MOXD1: variants seen among roughly 807,000 people sequenced by gnomAD.
The protein encoded by MOXD1 is monooxygenase DBH like 1.
MOXD1 carries 62 observed loss-of-function variants against 66.6 expected under a neutral mutation model. The observed-to-expected ratio is 0.93, with a 90% confidence interval of 0.76 to 1.15. The LOEUF (loss-of-function observed/expected upper bound fraction) is 1.15. Among genes scored for constraint, MOXD1 ranks in the 50% most tolerant of loss-of-function variants. The probability of loss-of-function intolerance (pLI) is 0.00; values close to 1 mark genes in which losing one functional copy is unlikely to be tolerated. For synonymous variants in MOXD1, 303 were observed against 281.9 expected (o/e 1.07, Z -0.75); for missense variants, 847 against 754.6 (o/e 1.12, Z -1.44).
In MOXD1 at chr6:132,385,461, A is replaced by AATTATTATT. The variant is rs71030795; in HGVS notation, c.265-10693_265-10685dup. On this transcript the variant is annotated intron_variant, in intron 1 of 11. Coordinates refer to ENST00000367963, the MANE Select transcript of MOXD1 (RefSeq NM_015529.4). ...CTATAGAGAATTCAAAATATACTGA[A>AATTATTATT]ATTATTATTATTATTATTATTATTA... Among the ~76,000 whole-genome samples, 1,011 of 133,574 alleles carry AATTATTATT rather than the reference A, an allele frequency of 7.6e-3. 7 individuals are homozygous for AATTATTATT. The highest frequency in any genetic ancestry group is 0.014 in the South Asian group (58 of 4,070). 87.6% of individuals were successfully genotyped at this position (133,574 alleles called of 152,430 possible).
intron 10 of MOXD1, among the ~76,000 whole-genome samples, chr6:132,300,632 T>C (rs1774510635): frequency 6.6e-6 from 1 of 152,142 alleles, no homozygotes; most frequent in South Asian, 2.1e-4. Flanking sequence ...CTTAAAAAGC[T>C]TTGCTGCTAT....
intron 1 of MOXD1, among the ~76,000 whole-genome samples, chr6:132,375,310 C>T (rs1776355943): frequency 6.6e-6 from 1 of 152,068 alleles, no homozygotes; most frequent in Non-Finnish European, 1.5e-5. Flanking sequence ...AAATAAAATG[C>T]AATGGGAAAT....
intron 1 of MOXD1, among the ~76,000 whole-genome samples, chr6:132,387,590 C>T (rs1039857468): frequency 4.7e-5 from 7 of 150,020 alleles, no homozygotes; most frequent in African/African-American, 1.7e-4. Flanking sequence ...TCCATCTCTA[C>T]TAAAAATACA....
Position 132,372,991 on chromosome 6 carries a change from T to A in MOXD1, c.418A>T (p.Thr140Ser), listed in dbSNP as rs751463168. 1.2e-6 allele frequency: 2 copies of A among 1,612,040 alleles called. No homozygotes were observed. The highest frequency in any genetic ancestry group is 3.3e-5 in the Admixed American group (2 of 59,868). Reference protein sequence around the residue: ...DINDKSITDSTVRVIWAYHHE... With the variant: ...DINDKSITDSSVRVIWAYHHE... ...TGGTAGGCCCAGATCACTCTCACAG[T>A]GCTATCCTGGGGATCAGACATGGGC... Residue 140 changes from threonine (T) to serine (S), a missense_variant, in exon 3 of 12, where the codon ACT (threonine) becomes TCT (serine). Coordinates refer to ENST00000367963, the MANE Select transcript of MOXD1 (RefSeq NM_015529.4).
At chr6:132,316,139 T>C (rs1446376318) in intron 9 of MOXD1, among the ~76,000 whole-genome samples, 1 of 150,910 alleles carries the variant, frequency 6.6e-6, no homozygotes, top group Non-Finnish European at 1.5e-5. Flanking sequence ...TAGAATCTTG[T>C]CTTCATGTGT....
At chr6:132,354,290 G>A (rs773339971) in intron 4 of MOXD1, among the ~76,000 whole-genome samples, 3 of 152,198 alleles carry the variant, frequency 2.0e-5, no homozygotes, top group Non-Finnish European at 2.9e-5. Context: ...GGCTCTGTCA[G>A]AGGAAAAGTC....
In MOXD1 at chr6:132,328,592, A is replaced by C; in HGVS notation, c.666T>G (p.Val222=). 1 of 1,613,098 alleles carries C rather than the reference A, an allele frequency of 6.2e-7. No homozygotes were observed. The highest frequency in any genetic ancestry group is 8.5e-7 in the Non-Finnish European group (1 of 1,179,244). The change falls in exon 5 of 12, where the codon GTT becomes GTG. Residue 222 remains valine (V), a splice_region_variant and synonymous_variant. Coordinates refer to ENST00000367963, the MANE Select transcript of MOXD1 (RefSeq NM_015529.4). ...CATGGCCTCTCTGTATCACTGGCTC[A>C]ACCTACACGAACATAAATGAGAGGG... is the stretch of plus-strand genomic sequence containing the variant. ...VFQEKHHVIK[V]EPVIQRGHES...
chr6:132,351,697 A>C (rs1405660780), intron 4 of MOXD1, among the ~76,000 whole-genome samples: 1 of 152,098 alleles, frequency 6.6e-6, no homozygotes, highest in Non-Finnish European at 1.5e-5. Context: ...TATCTTGTGG[A>C]ATAATGTCAA....
intron 1 of MOXD1, among the ~76,000 whole-genome samples, chr6:132,388,244 A>G (rs1048776211): frequency 6.6e-6 from 1 of 151,298 alleles, no homozygotes; most frequent in Non-Finnish European, 1.5e-5. Context: ...TTACATGCCT[A>G]TTTCATTTAA....
At chr6:132,363,519 A>T (rs1776058383) in intron 4 of MOXD1, among the ~76,000 whole-genome samples, 1 of 152,180 alleles carries the variant, frequency 6.6e-6, no homozygotes, top group Non-Finnish European at 1.5e-5. Flanking sequence ...AAAAATAATA[A>T]GGCCTGGATA....
At chr6:132,370,657 T>C (rs1776245954) in intron 4 of MOXD1, among the ~76,000 whole-genome samples, 1 of 152,120 alleles carries the variant, frequency 6.6e-6, no homozygotes, top group East Asian at 1.9e-4. Context: ...TGACCTACTG[T>C]CCTTCCCTCA....
Position 132,315,638 on chromosome 6 carries a change from A to C in MOXD1, c.1505T>G (p.Val502Gly). ...FIGVKEIYRPVTTWPFIIKSP... is the reference protein window; with the variant it reads ...FIGVKEIYRPGTTWPFIIKSP... Reference sequence around the variant, plus strand: ...ATAAAATACATTTACTACTTACGTGACTGGTCTGTAGATCTCCTTAACCCC... The same window carrying C: ...ATAAAATACATTTACTACTTACGTGCCTGGTCTGTAGATCTCCTTAACCCC... Residue 502 changes from valine to glycine, a missense_variant, in exon 10 of 12, where the codon GTC becomes GGC. Coordinates refer to ENST00000367963, the MANE Select transcript of MOXD1 (RefSeq NM_015529.4). 1 of 1,608,376 alleles carries C rather than the reference A, an allele frequency of 6.2e-7. No homozygotes were observed. The highest frequency in any genetic ancestry group is 8.5e-7 in the Non-Finnish European group (1 of 1,178,254).
At chr6:132,396,895 C>A (rs1776893609) in intron 1 of MOXD1, among the ~76,000 whole-genome samples, 1 of 152,200 alleles carries the variant, frequency 6.6e-6, no homozygotes, top group South Asian at 2.1e-4. Flanking sequence ...TCTCCCCCAA[C>A]ATAGAAAGTC....
intron 1 of MOXD1, among the ~76,000 whole-genome samples, chr6:132,398,233 T>C (rs1776941223): frequency 6.6e-6 from 1 of 152,192 alleles, no homozygotes; most frequent in Non-Finnish European, 1.5e-5. Flanking sequence ...CTATAGACAT[T>C]TGGACTTGTG....
intron 6 of MOXD1, chr6:132,325,045 T>A (rs1222836436): frequency 1.3e-5 from 2 of 151,952 alleles, no homozygotes; most frequent in South Asian, 4.2e-4. Flanking sequence ...TTGTTAAAAT[T>A]AAGTATTTCA....
At chr6:132,336,160 A>G (rs573144266) in intron 4 of MOXD1, among the ~76,000 whole-genome samples, 8 of 152,192 alleles carry the variant, frequency 5.3e-5, no homozygotes, top group Non-Finnish European at 1.2e-4. Flanking sequence ...ATTCAAAACT[A>G]AAACAAAAGG....
intron 1 of MOXD1, among the ~76,000 whole-genome samples, chr6:132,388,035 T>C (rs1562300590): frequency 6.6e-6 from 1 of 151,368 alleles, no homozygotes; most frequent in Non-Finnish European, 1.5e-5. Context: ...ACTTCAAGTT[T>C]GACTTCGAAG....
intron 4 of MOXD1, among the ~76,000 whole-genome samples, chr6:132,358,809 T>C (rs1273748142): frequency 6.6e-6 from 1 of 152,176 alleles, no homozygotes; most frequent in African/African-American, 2.4e-5. Flanking sequence ...GAAACAAACA[T>C]ACATCTTTGG....
At chr6:132,379,188 T>A (rs753458665) in intron 1 of MOXD1, among the ~76,000 whole-genome samples, 4 of 151,956 alleles carry the variant, frequency 2.6e-5, no homozygotes, top group Non-Finnish European at 5.9e-5. Context: ...TATAGCATGA[T>A]CATGCAGAGT....
Sources: allele counts gnomAD v4.1 joint callset (sites outside exome capture counted in the v4.1 genomes callset), GRCh38; gene constraint gnomAD v4.1.1; transcripts MANE v1.5; gene names NCBI Gene and HGNC (gene_info 2026-07-23, HGNC 2026-07-21).